The following MARK2 variants were observed in gnomAD, a reference collection of about 807,000 sequenced individuals.
MARK2 encodes serine/threonine-protein kinase MARK2.
MARK2 carries 16 observed loss-of-function variants against 89.8 expected under a neutral mutation model. That is an observed-to-expected ratio of 0.18 (90% confidence interval 0.12 to 0.27). MARK2 has a LOEUF of 0.27. Among genes scored for constraint, MARK2 ranks in the 10% least tolerant of loss-of-function variants. The pLI is 1.00. For synonymous variants in MARK2, 382 were observed against 399.5 expected, an observed-to-expected ratio of 0.96 and a Z score of 0.52; for missense variants, 621 against 1,049.9, an observed-to-expected ratio of 0.59 and a Z score of 5.65.
intron 1 of MARK2, among the ~76,000 whole-genome samples, chr11:63,848,102 A>G (rs570044628): frequency 7.8e-4 from 119 of 152,332 alleles, no homozygotes; most frequent in African/African-American, 2.7e-3. Flanking sequence ...CACTTCCTGC[A>G]ATAGCACTAG....
rs1743242559 is a variant in MARK2 at position 63,902,119 on chromosome 11, G to A, written c.1102-79G>A. On this transcript the variant is annotated intron_variant, in intron 11 of 18. Coordinates refer to ENST00000402010, the MANE Select transcript of MARK2 (RefSeq NM_001039469.3). This position sits in a 1 kb window ranked among gnomAD's most constrained non-coding sequence, Gnocchi z 4.2. ...GGTGTTTGAGTGTTGGGAGAGGGCGGTATGTGTAAATGTGTCCATCCATAG... is the reference window on the plus strand; with the variant it reads ...GGTGTTTGAGTGTTGGGAGAGGGCGATATGTGTAAATGTGTCCATCCATAG... 5 of 1,507,106 alleles carry A rather than the reference G, an allele frequency of 3.3e-6. No individual in the cohort carries two copies. The highest frequency in any genetic ancestry group is 4.6e-5 in the East Asian group (2 of 43,716). The allele number at this position is 1,507,106 out of a possible 1,614,324, so 93.4% of individuals were successfully genotyped here. A position where few individuals can be genotyped will look rare whatever the true frequency, so the allele number is the denominator to read the frequency against.
intron 1 of MARK2, among the ~76,000 whole-genome samples, chr11:63,854,841 A>G (rs1393715588): frequency 1.3e-5 from 2 of 151,494 alleles, no homozygotes; most frequent in Admixed American, 6.6e-5. Flanking sequence ...AGGGTATTCC[A>G]AGTGAGGAAA....
intron 11 of MARK2, among the ~76,000 whole-genome samples, chr11:63,901,270 G>A (rs138527282): frequency 1.1e-3 from 161 of 152,254 alleles, no homozygotes; most frequent in African/African-American, 3.6e-3. Context: ...AAGCTGGTAG[G>A]GTCGGTGTGG....
chr11:63,905,759 C>T (rs1024635279), intron 16 of MARK2, among the ~76,000 whole-genome samples: 3 of 152,230 alleles, frequency 2.0e-5, no homozygotes, highest in South Asian at 4.1e-4. Context: ...CCTGCCATTC[C>T]TCTCCCTGCC....
At chr11:63,846,695 G>A (rs2016297787) in intron 1 of MARK2, among the ~76,000 whole-genome samples, 1 of 146,660 alleles carries the variant, frequency 6.8e-6, no homozygotes, top group Admixed American at 6.9e-5. Flanking sequence ...TTGCCCTGTC[G>A]CCCAGGCTGG....
intron 17 of MARK2, among the ~76,000 whole-genome samples, chr11:63,907,481 T>G (rs527293217): frequency 1.6e-3 from 242 of 152,322 alleles, no homozygotes; most frequent in Middle Eastern, 0.01. Context: ...AATCCCCAGT[T>G]TCCTAGCTCC....
chr11:63,904,271 G>T lies in MARK2; in HGVS notation c.1676+124G>T. 1 of 845,664 alleles carries T rather than the reference G, an allele frequency of 1.2e-6. No individual in the cohort carries two copies. The highest frequency in any genetic ancestry group is 1.8e-5 in the South Asian group (1 of 54,196). 52.4% of individuals were successfully genotyped at this position (845,664 alleles called of 1,614,324 possible). ...TCTTGTCATCTTAGCCACAAGAAAT[G>T]GGTCTGTCCCCTGCGGCCAGGAAGT... On this transcript the variant is annotated intron_variant, in intron 15 of 18. Transcript: ENST00000402010. The surrounding 1 kb of genome is among the most constrained non-coding windows in gnomAD (Gnocchi z 6.3).
chr11:63,863,770 C>T (rs1042064824), intron 1 of MARK2, among the ~76,000 whole-genome samples: 2 of 150,748 alleles, frequency 1.3e-5, no homozygotes, highest in Admixed American at 6.6e-5. Flanking sequence ...CCCCGCCCCA[C>T]ACCACCACCA....
rs1433800381 is a variant in MARK2 at position 63,895,223 on chromosome 11, C to T, written c.119C>T (p.Ser40Leu). Residue 40 changes from serine (S) to leucine (L), a missense_variant, in exon 2 of 19, where the codon TCA (serine) becomes TTA (leucine). Coordinates refer to ENST00000402010, the MANE Select transcript of MARK2 (RefSeq NM_001039469.3). ...TCCAACATGATTCGGGGCCGCAACT[C>T]AGCCACCTCTGCTGATGAGCAGCCC... The part of the protein sequence containing the change: ...SKSNMIRGRN[S>L]ATSADEQPHI... 5.6e-6 allele frequency: 9 copies of T among 1,614,168 alleles called. No individual in the cohort carries two copies. Among genetic ancestry groups the T allele is most frequent in the Non-Finnish European group, 7.6e-6 (9 of 1,179,994 alleles).
chr11:63,890,172 G>T, intron 1 of MARK2: 1 of 1,207,372 alleles, frequency 8.3e-7, no homozygotes, highest in Non-Finnish European at 1.1e-6. Flanking sequence ...CATTTCTGTT[G>T]GAGACTCTCT....
At chr11:63,877,546 A>G (rs564064789) in intron 1 of MARK2, among the ~76,000 whole-genome samples, 1 of 152,144 alleles carries the variant, frequency 6.6e-6, no homozygotes, top group East Asian at 2.0e-4. Flanking sequence ...AAAAAATACA[A>G]AAATTAGTTG....
chr11:63,854,812 C>CAA (rs56392948), intron 1 of MARK2, among the ~76,000 whole-genome samples: 11 of 117,186 alleles, frequency 9.4e-5, no homozygotes, highest in African/African-American at 4.1e-4. Context: ...GACACCATCC[C>CAA]AAAAAAAAAA....
At chr11:63,906,022 T>C in intron 16 of MARK2, 66 bp from the exon 17 acceptor site, 1 of 1,303,386 alleles carries the variant, frequency 7.7e-7, no homozygotes, top group African/African-American at 1.5e-5. Context: ...CTTATCCACA[T>C]ACCGTCTTGT....
chr11:63,902,635 C>T lies in MARK2; in HGVS notation c.1269C>T (p.Tyr423=). 2.5e-6 allele frequency: 4 copies of T among 1,614,116 alleles called. No individual in the cohort carries two copies. Among genetic ancestry groups the T allele is most frequent in the Non-Finnish European group, 3.4e-6 (4 of 1,180,002 alleles). ...AGPAIPTSNS[Y]SKKTQSNNAE... ...CTGCCATTCCCACCTCTAATTCTTA[C>T]TCTAAGAAGACTCAGAGTAACAACG... Residue 423 remains tyrosine, a synonymous_variant, in exon 13 of 19, where the codon TAC becomes TAT. Transcript: ENST00000402010. The surrounding 1 kb of genome is among the most constrained non-coding windows in gnomAD (Gnocchi z 4.2).
rs974150502 is a variant in MARK2, at chr11:63,910,596, C to T, written c.*1359C>T. On this transcript the variant is annotated 3_prime_UTR_variant, in exon 19 of 19. Transcript: ENST00000402010. ...GTCCTACACAGAGGCTGCCCCTACC[C>T]TCACCTGAGTTGTACATTTTTTTGT... The T allele has an allele frequency of 6.6e-6, 1 of 151,956 alleles. No homozygotes were observed. The highest frequency in any genetic ancestry group is 2.4e-5 in the African/African-American group (1 of 41,342). The allele number at this position is 151,956 out of a possible 1,614,324, so 9.4% of individuals were successfully genotyped here.
chr11:63,897,484 CCAACAAAAACAA>C (rs1940507719), intron 3 of MARK2, among the ~76,000 whole-genome samples: 1 of 152,180 alleles, frequency 6.6e-6, no homozygotes, highest in African/African-American at 2.4e-5. Flanking sequence ...TCCCCTACCC[CCAACAAAAACAA>C]CAACAAAAAC....
Position 63,902,442 on chromosome 11 carries a change from T to A in MARK2, c.1234+112T>A. 2 of 1,464,550 alleles carry A rather than the reference T, an allele frequency of 1.4e-6. No homozygotes were observed. The highest frequency in any genetic ancestry group is 1.2e-5 in the South Asian group (1 of 83,354). 90.7% of individuals were successfully genotyped at this position (1,464,550 alleles called of 1,614,324 possible). On this transcript the variant is annotated intron_variant, in intron 12 of 18. Coordinates refer to ENST00000402010, the MANE Select transcript of MARK2 (RefSeq NM_001039469.3). The surrounding 1 kb of genome is among the most constrained non-coding windows in gnomAD (Gnocchi z 4.2). ...GTTTCAGTCCTGGTTCAGCCACTTA[T>A]TAGTAGTGTGGCTATGGGCAAGCCA...
At position 63,902,067 on chromosome 11, in the gene MARK2, AC is replaced by A. The variant is rs1257068778; in HGVS notation, c.1102-130del. On this transcript the variant is annotated intron_variant, in intron 11 of 18. Transcript: ENST00000402010. This position sits in a 1 kb window ranked among gnomAD's most constrained non-coding sequence, Gnocchi z 4.2. ...CCTCCAGGGGGGATGTATTGGTCTT[AC>A]AAGTGGATGTCCGGTATGATCCTGG... 1.1e-6 allele frequency: 1 copy of A among 933,752 alleles called. No individual in the cohort carries two copies. Among genetic ancestry groups the A allele is most frequent in the Non-Finnish European group, 1.6e-6 (1 of 622,402 alleles). The allele number at this position is 933,752 out of a possible 1,614,324, so 57.8% of individuals were successfully genotyped here. A position where few individuals can be genotyped will look rare whatever the true frequency, so the allele number is the denominator to read the frequency against.
intron 1 of MARK2, chr11:63,869,015 G>T (rs1286193867): frequency 2.7e-6 from 1 of 372,678 alleles, no homozygotes; most frequent in African/African-American, 2.1e-5. Context: ...AGGCCACTGT[G>T]AGTGAGGGAA....
Sources: allele counts gnomAD v4.1 joint callset (sites outside exome capture counted in the v4.1 genomes callset), GRCh38; gene constraint gnomAD v4.1.1; non-coding constraint Gnocchi (gnomAD v3.1); transcripts MANE v1.5; gene names NCBI Gene and HGNC (gene_info 2026-07-23, HGNC 2026-07-21).